PTPRK: variants seen among roughly 807,000 people sequenced by gnomAD.
PTPRK encodes the protein protein tyrosine phosphatase receptor type K.
PTPRK carries 75 observed loss-of-function variants against 178.0 expected under a neutral mutation model. The ratio of observed to expected loss-of-function variants is 0.42; its 90% CI spans 0.35 to 0.51. The LOEUF (loss-of-function observed/expected upper bound fraction) is 0.51, where lower values mean the gene tolerates loss of function less well. Among genes scored for constraint, PTPRK ranks in the 20% least tolerant of loss-of-function variants. The probability of loss-of-function intolerance (pLI) is 0.02; values close to 1 mark genes in which losing one functional copy is unlikely to be tolerated. For missense variants in PTPRK, 1,441 were observed against 1,797.8 expected (o/e 0.80, Z 3.59); for synonymous variants, 637 against 620.6 (o/e 1.03, Z -0.39).
chr6:128,503,931 G>A (rs919195304), intron 1 of PTPRK, among the ~76,000 whole-genome samples: 1 of 149,534 alleles, frequency 6.7e-6, no homozygotes, highest in Non-Finnish European at 1.5e-5. Context: ...ACTTTATTAG[G>A]GATAGTAATC....
chr6:128,400,878 T>C (rs1024983558), intron 1 of PTPRK, among the ~76,000 whole-genome samples: 5 of 152,200 alleles, frequency 3.3e-5, no homozygotes, highest in Non-Finnish European at 7.3e-5. Flanking sequence ...CTGAGCTGGA[T>C]GGCAGATGGC....
At chr6:128,283,569 C>A (rs565254040) in intron 3 of PTPRK, among the ~76,000 whole-genome samples, 22 of 152,222 alleles carry the variant, frequency 1.4e-4, no homozygotes, top group African/African-American at 5.1e-4. Flanking sequence ...AAATAATTTT[C>A]AATGGCCCAA....
intron 3 of PTPRK, among the ~76,000 whole-genome samples, chr6:128,299,911 A>C (rs1286303565): frequency 6.6e-6 from 1 of 152,172 alleles, no homozygotes; most frequent in East Asian, 1.9e-4. Flanking sequence ...ACAGCAAAAG[A>C]AACTACCATC....
At chr6:128,021,480 C>T (rs1174676625) in intron 13 of PTPRK, among the ~76,000 whole-genome samples, 1 of 151,966 alleles carries the variant, frequency 6.6e-6, no homozygotes, top group African/African-American at 2.4e-5. Context: ...ACTAAAAATA[C>T]AAAAAATTAG....
At chr6:128,029,568 T>C (rs1321130774) in intron 13 of PTPRK, among the ~76,000 whole-genome samples, 1 of 151,062 alleles carries the variant, frequency 6.6e-6, no homozygotes, top group Non-Finnish European at 1.5e-5. Flanking sequence ...AAAAATCACT[T>C]GAACCTAAGA....
At chr6:128,300,951 CT>C (rs1337433088) in intron 3 of PTPRK, among the ~76,000 whole-genome samples, 2 of 151,406 alleles carry the variant, frequency 1.3e-5, no homozygotes, top group Non-Finnish European at 2.9e-5. Flanking sequence ...GCTCTATCTT[CT>C]TTCCCATAAC....
rs146211018 is a variant in PTPRK at position 128,198,369 on chromosome 6, T to C, written c.869-13644A>G. Among the ~76,000 whole-genome samples the C allele has an allele frequency of 7.6e-4, 115 of 152,276 alleles. 2 individuals are homozygous for C. The East Asian group carries it at 0.019, about 25-fold the overall frequency. On this transcript the variant is annotated intron_variant, in intron 6 of 29. Transcript: ENST00000368226. ...TTATATGTTCACATTTAACAACTTG[T>C]GTTTTCCATGGGAAACTCTTCTCTT...
chr6:127,977,069 GGTA>G lies in PTPRK; in HGVS notation c.3712-18_3712-16del. ...TGCCTGTAGCTCTGTGAAGAAACAA[GGTA>G]GATGGAGAAATATAAAAACTTAAAA... On this transcript the variant is annotated splice_polypyrimidine_tract_variant and intron_variant, in intron 25 of 29. Transcript: ENST00000368226. 1 of 1,612,224 alleles carries G rather than the reference GGTA, an allele frequency of 6.2e-7. No individual in the cohort carries two copies. Among genetic ancestry groups the G allele is most frequent in the South Asian group, 1.1e-5 (1 of 91,036 alleles).
In PTPRK at chr6:128,223,866, A is replaced by G. The variant is rs17055458; in HGVS notation, c.694-4770T>C. Among the ~76,000 whole-genome samples the G allele has an allele frequency of 7.1e-3, 1,077 of 152,296 alleles. 16 individuals are homozygous for G. Among genetic ancestry groups the G allele is most frequent in the African/African-American group, 0.024 (1,006 of 41,568 alleles). ...AGCAGACTTTCCTCTAAACTAAACC[A>G]AAGCTGTTATGTTCATTTTGGTTAC... On this transcript the variant is annotated intron_variant, in intron 5 of 29. Transcript: ENST00000368226.
chr6:128,321,694 G>T (rs2128320937), intron 3 of PTPRK: 1 of 656,786 alleles, frequency 1.5e-6, no homozygotes, highest in East Asian at 2.7e-5. Flanking sequence ...CCTGAACAAA[G>T]CTGTAGGAAA....
intron 1 of PTPRK, among the ~76,000 whole-genome samples, chr6:128,410,086 T>C (rs558596145): frequency 2.8e-4 from 42 of 152,226 alleles, no homozygotes; most frequent in Non-Finnish European, 4.0e-4. Flanking sequence ...CCATAGATTT[T>C]ACTCAGACCA....
At chr6:128,078,711 T>C in intron 11 of PTPRK, 102 bp downstream of exon 11, 1 of 665,532 alleles carries the variant, frequency 1.5e-6, no homozygotes, top group Non-Finnish European at 2.5e-6. Flanking sequence ...TAGTACAGTC[T>C]GTATAGGGTT....
intron 3 of PTPRK, among the ~76,000 whole-genome samples, chr6:128,281,077 C>A (rs1381602397): frequency 6.6e-6 from 1 of 152,078 alleles, no homozygotes; most frequent in Non-Finnish European, 1.5e-5. Context: ...CATATTATAG[C>A]ACAAAGCAGT....
chr6:128,512,865 G>T (rs1167772795), intron 1 of PTPRK, among the ~76,000 whole-genome samples: 1 of 152,084 alleles, frequency 6.6e-6, no homozygotes, highest in Non-Finnish European at 1.5e-5. Flanking sequence ...TTACTACAAA[G>T]ATCTTAAATT....
chr6:128,035,567 G>A (rs1307252958), intron 13 of PTPRK, among the ~76,000 whole-genome samples: 1 of 151,962 alleles, frequency 6.6e-6, no homozygotes, highest in Non-Finnish European at 1.5e-5. Flanking sequence ...TCCAAGTGTG[G>A]ACATATCTGT....
At chr6:127,975,791 C>T (rs1583469640) in intron 27 of PTPRK, among the ~76,000 whole-genome samples, 1 of 152,228 alleles carries the variant, frequency 6.6e-6, no homozygotes, top group Middle Eastern at 3.4e-3. Flanking sequence ...GCTGCCTCAG[C>T]CTCCCCACTA....
chr6:128,003,252 A>G (rs1778044022), intron 15 of PTPRK: 1 of 1,593,174 alleles, frequency 6.3e-7, no homozygotes, highest in Non-Finnish European at 8.6e-7. Flanking sequence ...AACAAAGCTC[A>G]TGAAGGAATA....
Position 128,520,335 on chromosome 6 carries a change from C to T in PTPRK, c.24G>A (p.Ala8=), listed in dbSNP as rs1442034415. Residue 8 remains alanine, a synonymous_variant, in exon 1 of 30, where the codon GCG becomes GCA. Coordinates refer to ENST00000368226, the MANE Select transcript of PTPRK (RefSeq NM_002844.4). MDTTAAA[A]LPAFVALLLL... ...GCAAGAGCGCCACAAAAGCAGGCAGCGCCGCCGCCGCAGTCGTATCCATGC... is the reference window on the plus strand; with the variant it reads ...GCAAGAGCGCCACAAAAGCAGGCAGTGCCGCCGCCGCAGTCGTATCCATGC... 5.0e-6 allele frequency: 8 copies of T among 1,607,850 alleles called. No homozygotes were observed. Among genetic ancestry groups the T allele is most frequent in the Non-Finnish European group, 5.9e-6 (7 of 1,177,290 alleles).
chr6:128,202,294 C>T (rs1273878173), intron 6 of PTPRK, among the ~76,000 whole-genome samples: 2 of 152,176 alleles, frequency 1.3e-5, no homozygotes, highest in African/African-American at 2.4e-5. Flanking sequence ...TGTAACCCTG[C>T]CCCGGGGAAA....
Sources: allele counts gnomAD v4.1 joint callset (sites outside exome capture counted in the v4.1 genomes callset), GRCh38; gene constraint gnomAD v4.1.1; transcripts MANE v1.5; gene names NCBI Gene and HGNC (gene_info 2026-07-23, HGNC 2026-07-21).